The following SORCS1 variants were observed in gnomAD, a reference collection of about 807,000 sequenced individuals.
SORCS1 encodes sortilin related VPS10 domain containing receptor 1.
In SORCS1, 60 loss-of-function variants were observed where a neutral mutation model predicts 146.1. The observed-to-expected ratio is 0.41, with a 90% CI of 0.33 to 0.51. SORCS1 has a LOEUF of 0.51. Ranked by LOEUF, SORCS1 falls within the 20% of genes least tolerant of loss-of-function variation. The pLI is 0.21. For synonymous variants in SORCS1, 637 were observed against 584.0 expected, an observed-to-expected ratio of 1.09 and a Z score of -1.31; for missense variants, 1,352 against 1,487.6, an observed-to-expected ratio of 0.91 and a Z score of 1.50.
At chr10:106,581,322 T>TAC (rs3044191) in intron 24 of SORCS1, among the ~76,000 whole-genome samples, 10,443 of 142,256 alleles carry the variant, frequency 0.073, 390 homozygotes, top group East Asian at 0.15. Context: ...TCGTCATACA[T>TAC]ACACACACAC....
At chr10:106,983,719 T>C (rs1191007715) in intron 1 of SORCS1, among the ~76,000 whole-genome samples, 1 of 152,148 alleles carries the variant, frequency 6.6e-6, no homozygotes, top group African/African-American at 2.4e-5. Context: ...CTGGTAAAGA[T>C]TTAAGTTCAA....
chr10:106,798,321 G>A (rs1437305635), intron 3 of SORCS1, among the ~76,000 whole-genome samples: 2 of 152,062 alleles, frequency 1.3e-5, no homozygotes, highest in East Asian at 3.8e-4. Flanking sequence ...TAAGTTCTAT[G>A]GTACATGTGC....
intron 1 of SORCS1, among the ~76,000 whole-genome samples, chr10:107,148,145 A>G (rs1968490441): frequency 6.6e-6 from 1 of 152,154 alleles, no homozygotes; most frequent in South Asian, 2.1e-4. Flanking sequence ...TATGCCTTTG[A>G]GCCAGGAAAA....
At chr10:107,168,856 C>A (rs1970104229), upstream of SORCS1, among the ~76,000 whole-genome samples, 1 of 152,212 alleles carries the variant, frequency 6.6e-6, no homozygotes, top group East Asian at 1.9e-4. Context: ...CCAAATCCAA[C>A]TAATAACAGA....
At chr10:106,827,654 G>C (rs1455569837) in intron 3 of SORCS1, among the ~76,000 whole-genome samples, 1 of 152,110 alleles carries the variant, frequency 6.6e-6, no homozygotes, top group Non-Finnish European at 1.5e-5. Context: ...AAAAATAAAA[G>C]ATATAAGTTC....
At chr10:106,881,068 C>T (rs1950786822) in intron 2 of SORCS1, among the ~76,000 whole-genome samples, 1 of 123,786 alleles carries the variant, frequency 8.1e-6, no homozygotes, top group Non-Finnish European at 1.6e-5. Context: ...CAGAGCAAGA[C>T]TCTGTCTCAA....
intron 5 of SORCS1, among the ~76,000 whole-genome samples, chr10:106,734,602 C>A (rs1856820890): frequency 6.6e-6 from 1 of 152,124 alleles, no homozygotes; most frequent in African/African-American, 2.4e-5. Flanking sequence ...ACAAACCAGC[C>A]ATATCAGCAT....
At chr10:106,922,102 TCTC>T (rs1448276471) in intron 2 of SORCS1, among the ~76,000 whole-genome samples, 5 of 152,100 alleles carry the variant, frequency 3.3e-5, no homozygotes, top group African/African-American at 1.2e-4. Context: ...AGCAGACAGG[TCTC>T]CTCAGGTGGT....
At chr10:107,023,665 T>C (rs185412793) in intron 1 of SORCS1, among the ~76,000 whole-genome samples, 1 of 152,164 alleles carries the variant, frequency 6.6e-6, no homozygotes, top group African/African-American at 2.4e-5. Context: ...CAATTTGTCC[T>C]AAAATGGGAG....
intron 18 of SORCS1, among the ~76,000 whole-genome samples, chr10:106,634,604 G>A (rs1199636008): frequency 6.6e-6 from 1 of 152,176 alleles, no homozygotes; most frequent in Non-Finnish European, 1.5e-5. Flanking sequence ...AGACCAAGAG[G>A]AAGGTGGTAA....
chr10:107,075,777 C>T (rs918097398), intron 1 of SORCS1, among the ~76,000 whole-genome samples: 2 of 151,998 alleles, frequency 1.3e-5, no homozygotes, highest in South Asian at 4.2e-4. Context: ...TTCTTGTTTC[C>T]ATACAAATTA....
At chr10:106,936,457 C>T (rs1953725699) in intron 2 of SORCS1, among the ~76,000 whole-genome samples, 1 of 152,172 alleles carries the variant, frequency 6.6e-6, no homozygotes, top group Admixed American at 6.5e-5. Flanking sequence ...AGTGGACCAA[C>T]ACCAATACCT....
chr10:106,864,502 A>G (rs974855195), intron 2 of SORCS1, among the ~76,000 whole-genome samples: 1 of 152,196 alleles, frequency 6.6e-6, no homozygotes, highest in Admixed American at 6.5e-5. Context: ...TGGGAACCTT[A>G]GATACTCGGG....
intron 3 of SORCS1, among the ~76,000 whole-genome samples, chr10:106,826,163 G>C (rs1948295571): frequency 1.3e-5 from 2 of 152,216 alleles, no homozygotes; most frequent in Admixed American, 6.5e-5. Context: ...TTGAAGAACT[G>C]CTCTTGTCCG....
chr10:107,047,759 T>C lies in SORCS1; in HGVS notation c.559-91179A>G, dbSNP rs564676997. ...TGTTCCCTGAAAATGGAGACCCATCTTTACCCAAGCCCATCTCTCATACCC... is the reference window on the plus strand; with the variant it reads ...TGTTCCCTGAAAATGGAGACCCATCCTTACCCAAGCCCATCTCTCATACCC... On this transcript the variant is annotated intron_variant, in intron 1 of 25. Transcript: ENST00000263054. Among the ~76,000 whole-genome samples, 5 of 152,132 alleles carry C rather than the reference T, an allele frequency of 3.3e-5. No homozygotes were observed. In the East Asian group the frequency reaches 9.7e-4, roughly 29 times the overall value.
intron 1 of SORCS1, among the ~76,000 whole-genome samples, chr10:107,078,403 A>G (rs867369392): frequency 1.6e-4 from 25 of 152,322 alleles, no homozygotes; most frequent in Middle Eastern, 3.4e-3. Flanking sequence ...CTAATTTATC[A>G]CTCAAGGGAC....
At chr10:106,697,901 T>G (rs1589686554) in intron 9 of SORCS1, among the ~76,000 whole-genome samples, 1 of 152,228 alleles carries the variant, frequency 6.6e-6, no homozygotes, top group African/African-American at 2.4e-5. Context: ...CATCACAATA[T>G]GTAAATTTCT....
intron 1 of SORCS1, among the ~76,000 whole-genome samples, chr10:107,051,402 T>G (rs1310259571): frequency 6.6e-6 from 1 of 152,168 alleles, no homozygotes; most frequent in Non-Finnish European, 1.5e-5. Context: ...GCTCAGTATG[T>G]GTCTAGAATA....
At chr10:106,667,471 C>T (rs371955707) in intron 17 of SORCS1, among the ~76,000 whole-genome samples, 2 of 152,256 alleles carry the variant, frequency 1.3e-5, no homozygotes, top group African/African-American at 4.8e-5. Context: ...AATCAAGAAA[C>T]ATTTCTCTTT....
Sources: allele counts gnomAD v4.1 joint callset (sites outside exome capture counted in the v4.1 genomes callset), GRCh38; gene constraint gnomAD v4.1.1; transcripts MANE v1.5; gene names NCBI Gene and HGNC (gene_info 2026-07-23, HGNC 2026-07-21).